Variants in TTN observed in about 807,000 individuals in gnomAD.
The protein encoded by TTN is titin, also known as connectin.
Under a neutral mutation model 3,223.0 loss-of-function variants are expected in TTN, and 1,525 were observed. That is an observed-to-expected ratio of 0.47 (90% CI 0.45 to 0.49). The LOEUF (loss-of-function observed/expected upper bound fraction) is 0.49. Ranked by LOEUF, TTN falls within the 20% of genes least tolerant of loss-of-function variation. The pLI is 0.00. For missense variants in TTN, 40,786 were observed against 43,424.0 expected (o/e 0.94, Z 5.40); for synonymous variants, 14,094 against 15,161.0 (o/e 0.93, Z 5.17).
chr2:178,686,568 C>T (rs2154276323), intron 127 of TTN, among the ~76,000 whole-genome samples: 1 of 152,164 alleles, frequency 6.6e-6, no homozygotes, highest in Admixed American at 6.5e-5. Context: ...GAGGTGCATG[C>T]CACCATGCCT....
intron 11 of TTN, 103 bp downstream of exon 11, chr2:178,790,605 G>A (rs769724156): frequency 6.4e-7 from 1 of 1,562,326 alleles, no homozygotes; most frequent in Admixed American, 1.7e-5. Context: ...TATAAGAAGA[G>A]GTGGAAGTGA....
intron 127 of TTN, among the ~76,000 whole-genome samples, chr2:178,687,383 G>C (rs1045337015): frequency 7.7e-5 from 11 of 142,438 alleles, no homozygotes; most frequent in Admixed American, 7.5e-4. Flanking sequence ...ATAGTTTGTT[G>C]GTTCTGTCCT....
intron 114 of TTN, 113 bp downstream of exon 114, chr2:178,695,752 G>T: frequency 1.1e-6 from 1 of 877,698 alleles, no homozygotes; most frequent in South Asian, 3.6e-5. Context: ...AAAAATCTAA[G>T]ATCATTTTAA....
At position 178,560,366 on chromosome 2, in the gene TTN, C is replaced by T. The variant is rs769856738; in HGVS notation, c.85766G>A (p.Arg28589Lys). 1.2e-6 allele frequency: 2 copies of T among 1,613,664 alleles called. No homozygotes were observed. Among genetic ancestry groups the T allele is most frequent in the Admixed American group, 3.3e-5 (2 of 59,994 alleles). The stretch of plus-strand genomic sequence containing the variant: ...CCATCTTAGGCTATTTTTCTCTCGC[C>T]TTTCAATTATATATCCAGATATTTC... ...GSEISGYIIE[R>K]REKNSLRWVR... is the part of the protein sequence containing the mutation. The change falls in exon 326 of 363, where the codon AGG becomes AAG. Residue 28589 changes from arginine (R) to lysine (K), a missense_variant. Physicochemically the swap from Arg to Lys is conservative, Grantham distance 26. Transcript: ENST00000589042.
At position 178,546,614 on chromosome 2, in the gene TTN, C is replaced by T. The variant is rs991386516; in HGVS notation, c.94814G>A (p.Cys31605Tyr). ...KGSESTGPVT[C>Y]RDEYAPPKAE... ...CTATTTCCTACCGTATTCATCTCGG[C>T]AAGTGACAGGGCCTGTAGATTCAGA... Residue 31605 changes from cysteine to tyrosine, a missense_variant, in exon 341 of 363, where the codon TGC (cysteine) becomes TAC (tyrosine). By Grantham distance (194) the Cys-to-Tyr change is radical. Transcript: ENST00000589042. 1.2e-6 allele frequency: 2 copies of T among 1,608,726 alleles called. No individual in the cohort carries two copies. The highest frequency in any genetic ancestry group is 1.7e-6 in the Non-Finnish European group (2 of 1,175,702).
chr2:178,715,463 G>T, intron 89 of TTN, 30 bp downstream of exon 89: 1 of 1,583,072 alleles, frequency 6.3e-7, no homozygotes, highest in South Asian at 1.2e-5. Context: ...AGGCTAATGT[G>T]AAAAACACAC....
Position 178,583,224 on chromosome 2 carries a change from G to A in TTN, c.65579C>T (p.Pro21860Leu). Residue 21860 changes from proline (P) to leucine (L), a missense_variant, in exon 313 of 363, where the codon CCT becomes CTT. Pro to Leu is a moderately conservative substitution (Grantham distance 98). Transcript: ENST00000589042. Reference protein sequence around the residue: ...DPVTILAENVPPRIDLSVAMK... With the variant: ...DPVTILAENVLPRIDLSVAMK... ...AGCCACACTCAGGTCTATCCTGGGA[G>A]GGACTGGAAAGAAATAAGATAAAGG... 1 of 1,573,540 alleles carries A rather than the reference G, an allele frequency of 6.4e-7. No individual in the cohort carries two copies. Among genetic ancestry groups the A allele is most frequent in the South Asian group, 1.2e-5 (1 of 84,048 alleles).
At chr2:178,674,285 A>T in intron 151 of TTN, 29 bp downstream of exon 151, 1 of 1,336,552 alleles carries the variant, frequency 7.5e-7, no homozygotes, top group Non-Finnish European at 1.1e-6. Context: ...CAGGAATTTT[A>T]AATGTTCAAT....
In TTN at chr2:178,565,280, G is replaced by A; in HGVS notation, c.80852C>T (p.Thr26951Ile). The A allele has an allele frequency of 6.2e-7, 1 of 1,613,608 alleles. No individual in the cohort carries two copies. Among genetic ancestry groups the A allele is most frequent in the African/African-American group, 1.3e-5 (1 of 75,012 alleles). Residue 26951 changes from threonine to isoleucine, a missense_variant, in exon 326 of 363, where the codon ACC (threonine) becomes ATC (isoleucine). Thr to Ile is a moderately conservative substitution (Grantham distance 89). Transcript: ENST00000589042. ...GCCTGCACTATTTGTTGCCGTTACG[G>A]TGTATTTTCCAAAGTCATCTTTGTT... Reference protein sequence around the residue: ...EGNKDDFGKYTVTATNSAGTA... With the variant: ...EGNKDDFGKYIVTATNSAGTA...
Position 178,632,663 on chromosome 2 carries a change from G to A in TTN, c.43343C>T (p.Thr14448Ile), listed in dbSNP as rs545318911. ...FRWLKGTQEI[T>I]GDDRFELIKD... ...TATAAGCTCAAATCTGTCATCACCTGTGATTTCCTGGGTTCCTTTTAGCCA... is the reference window on the plus strand; with the variant it reads ...TATAAGCTCAAATCTGTCATCACCTATGATTTCCTGGGTTCCTTTTAGCCA... The change falls in exon 235 of 363, where the codon ACA becomes ATA. Residue 14448 changes from threonine to isoleucine, a missense_variant. Transcript: ENST00000589042. 5 of 1,613,406 alleles carry A rather than the reference G, an allele frequency of 3.1e-6. No individual in the cohort carries two copies. The highest frequency in any genetic ancestry group is 2.2e-5 in the South Asian group (2 of 91,068).
chr2:178,578,294 T>C, intron 321 of TTN, 109 bp from the exon 322 acceptor site: 1 of 1,009,700 alleles, frequency 9.9e-7, no homozygotes, highest in Non-Finnish European at 1.4e-6. Flanking sequence ...CAAGTAGTCA[T>C]TCTTGCTAGT....
At position 178,689,516 on chromosome 2, in the gene TTN, T is replaced by C; in HGVS notation, c.31926A>G (p.Ala10642=). The C allele has an allele frequency of 1.2e-6, 2 of 1,609,104 alleles. No homozygotes were observed. Among genetic ancestry groups the C allele is most frequent in the Non-Finnish European group, 1.7e-6 (2 of 1,177,102 alleles). The part of the protein sequence containing the change: ...VTQREESPPP[A]VPEIPKKKVP... ...TTTCATGGAGATGGGATTAAGTACCTGCTGGTGGTGGAGATTCCTCTCTTT... is the reference window on the plus strand; with the variant it reads ...TTTCATGGAGATGGGATTAAGTACCCGCTGGTGGTGGAGATTCCTCTCTTT... Residue 10642 remains alanine, a splice_region_variant and synonymous_variant, in exon 123 of 363, where the codon GCA becomes GCG. Coordinates refer to ENST00000589042, the MANE Select transcript of TTN (RefSeq NM_001267550.2).
At position 178,768,109 on chromosome 2, in the gene TTN, C is replaced by T. The variant is rs1034170870; in HGVS notation, c.9210G>A (p.Leu3070=). 1.2e-6 allele frequency: 2 copies of T among 1,614,064 alleles called. No individual in the cohort carries two copies. The highest frequency in any genetic ancestry group is 1.7e-6 in the Non-Finnish European group (2 of 1,180,004). The change falls in exon 39 of 363, where the codon CTG becomes CTA. Residue 3070 remains leucine, a synonymous_variant. Coordinates refer to ENST00000589042, the MANE Select transcript of TTN (RefSeq NM_001267550.2). ...ATTCAAACATGGCTCGCTTCTTCTC[C>T]AGTACCTTAATGTCCTTAATGTGTT... ...FRKHIKDIKV[L]EKKRAMFECE...
chr2:178,767,637 T>G, intron 40 of TTN, 122 bp downstream of exon 40: 7 of 1,396,764 alleles, frequency 5.0e-6, no homozygotes, highest in South Asian at 1.2e-5. Flanking sequence ...CAAGTAAGAA[T>G]GAGCTGATTT....
In TTN at chr2:178,614,880, G is replaced by A. The variant is rs72677242; in HGVS notation, c.48727C>T (p.Pro16243Ser). 3,864 of 1,575,958 alleles carry A rather than the reference G, an allele frequency of 2.5e-3. 21 individuals carry two copies. The highest frequency in any genetic ancestry group is 2.3e-3 in the Non-Finnish European group (2,676 of 1,159,254). The change falls in exon 260 of 363, where the codon CCC becomes TCC. Residue 16243 changes from proline (P) to serine (S), a missense_variant. Transcript: ENST00000589042. Reference sequence around the variant, plus strand: ...TCCACAGCCTGGATTTCCTCTGTGGGTCTGCTTGGTTTGCTAGCACCCTGC... The same window carrying A: ...TCCACAGCCTGGATTTCCTCTGTGGATCTGCTTGGTTTGCTAGCACCCTGC... ...NRQGASKPSR[P>S]TEEIQAVDTQ...
At chr2:178,555,217 C>A in intron 330 of TTN, 65 bp from the exon 331 acceptor site, 1 of 1,482,010 alleles carries the variant, frequency 6.7e-7, no homozygotes, top group Non-Finnish European at 9.2e-7. Flanking sequence ...ATAGTTGCAC[C>A]AACCTTAAAG....
chr2:178,697,250 T>C (rs2073903524), intron 112 of TTN, 82 bp from the exon 113 acceptor site: 1 of 1,216,390 alleles, frequency 8.2e-7, no homozygotes, highest in South Asian at 1.8e-5. Context: ...CACATCATTG[T>C]TAGTTGTTTG....
At position 178,634,611 on chromosome 2, in the gene TTN, G is replaced by A. The variant is rs900184988; in HGVS notation, c.42170C>T (p.Ala14057Val). Residue 14057 changes from alanine to valine, a missense_variant, in exon 230 of 363, where the codon GCT (alanine) becomes GTT (valine). By Grantham distance (64) the Ala-to-Val change is moderately conservative. Coordinates refer to ENST00000589042, the MANE Select transcript of TTN (RefSeq NM_001267550.2). This position sits in a 1 kb window ranked among gnomAD's most constrained non-coding sequence, Gnocchi z 4.6. ...LTVKEIELDF[A>V]VPLKDVTVPE... is the part of the protein sequence containing the mutation. ...AACAGTGACATCCTTCAGGGGCACA[G>A]CAAAGTCAAGTTCGATTTCTGAAAA... 3.1e-6 allele frequency: 5 copies of A among 1,613,112 alleles called. No individual in the cohort carries two copies. The highest frequency in any genetic ancestry group is 4.2e-6 in the Non-Finnish European group (5 of 1,179,488).
At chr2:178,541,644 A>G in intron 349 of TTN, 60 bp from the exon 350 acceptor site, 1 of 1,422,158 alleles carries the variant, frequency 7.0e-7, no homozygotes, top group Non-Finnish European at 9.3e-7. Flanking sequence ...ACAATGACTC[A>G]TATATTTGTG....
Sources: gnomAD v4.1 joint callset for allele counts (sites outside exome capture counted in the v4.1 genomes callset) on GRCh38, gnomAD v4.1.1 for gene constraint, Gnocchi (gnomAD v3.1) non-coding constraint, MANE v1.5 for transcripts, NCBI Gene and HGNC (gene_info 2026-07-23, HGNC 2026-07-21) for gene names.